Variants in COPG1 observed in about 807,000 individuals in gnomAD.
COPG1 encodes coatomer subunit gamma-1.
A neutral mutation model predicts 102.8 loss-of-function variants in COPG1; 29 were observed. The observed-to-expected ratio is 0.28, with a 90% CI of 0.21 to 0.38. The LOEUF is 0.38. Ranked by LOEUF, COPG1 falls within the 10% of genes least tolerant of loss-of-function variation. The pLI is 1.00. For missense variants in COPG1, 875 were observed against 1,132.7 expected (o/e 0.77, Z 3.27); for synonymous variants, 406 against 421.6 (o/e 0.96, Z 0.45).
intron 8 of COPG1, among the ~76,000 whole-genome samples, 162 bp from the exon 9 acceptor site, chr3:129,257,308 T>G (rs1373853282): frequency 1.3e-5 from 2 of 152,186 alleles, no homozygotes; most frequent in Non-Finnish European, 2.9e-5. Flanking sequence ...TGGAGGGCTG[T>G]GTACACAGAG....
intron 23 of COPG1, 145 bp from the exon 24 acceptor site, chr3:129,277,149 C>T: frequency 1.3e-6 from 1 of 778,304 alleles, no homozygotes; most frequent in East Asian, 2.6e-5. Context: ...ACAGTGAAAT[C>T]CCTCACTCAG....
chr3:129,277,222 A>C, intron 23 of COPG1, 72 bp from the exon 24 acceptor site: 2 of 1,544,686 alleles, frequency 1.3e-6, no homozygotes, highest in Non-Finnish European at 1.8e-6. Context: ...GGGTTGCTGC[A>C]AATGCCATCC....
intron 16 of COPG1, 37 bp from the exon 17 acceptor site, chr3:129,268,458 C>G (rs560533924): frequency 1.2e-6 from 2 of 1,609,136 alleles, no homozygotes; most frequent in South Asian, 1.1e-5. Context: ...ACATTTTGCT[C>G]TATCTGCCAG....
chr3:129,250,745 T>G lies in COPG1; in HGVS notation c.90+11T>G. 15 of 1,611,642 alleles carry G rather than the reference T, an allele frequency of 9.3e-6. No homozygotes were observed. Among genetic ancestry groups the G allele is most frequent in the Non-Finnish European group, 1.3e-5 (15 of 1,177,902 alleles). Reference sequence around the variant, plus strand: ...GCGGTACTCCAGGAGGCAAGTGACATTTGCTCCCCTCTAGCTTCCATCATA... The same window carrying G: ...GCGGTACTCCAGGAGGCAAGTGACAGTTGCTCCCCTCTAGCTTCCATCATA... On this transcript the variant is annotated intron_variant, in intron 2 of 23. Coordinates refer to ENST00000314797, the MANE Select transcript of COPG1 (RefSeq NM_016128.4).
At chr3:129,270,555 A>G (rs1187134153) in intron 18 of COPG1, among the ~76,000 whole-genome samples, 9 of 152,226 alleles carry the variant, frequency 5.9e-5, no homozygotes, top group African/African-American at 1.9e-4. Flanking sequence ...GTTGATGGTC[A>G]TGGTGGCCCA....
intron 13 of COPG1, among the ~76,000 whole-genome samples, chr3:129,265,277 T>C (rs911913199): frequency 7.2e-5 from 11 of 151,986 alleles, no homozygotes; most frequent in Admixed American, 2.6e-4. Flanking sequence ...TTTTTTGTAG[T>C]GATGGGGTCT....
chr3:129,258,083 G>A (rs928935766), intron 10 of COPG1, among the ~76,000 whole-genome samples: 1 of 152,280 alleles, frequency 6.6e-6, no homozygotes, highest in Non-Finnish European at 1.5e-5. Context: ...GCTGAGGTAA[G>A]GCTCGGGTCC....
rs1200560053 is a variant in COPG1, at chr3:129,271,902, T to G, written c.1979T>G (p.Val660Gly). ...CTKHTFTNHMVFQFDCTNTLN... is the reference protein window; with the variant it reads ...CTKHTFTNHMGFQFDCTNTLN... ...AAACACACCTTCACCAACCACATGGTTTTTCAGGTGAGCAAGGTGGGCTGA... is the reference window on the plus strand; with the variant it reads ...AAACACACCTTCACCAACCACATGGGTTTTCAGGTGAGCAAGGTGGGCTGA... Residue 660 changes from valine (V) to glycine (G), a missense_variant, in exon 19 of 24, where the codon GTT becomes GGT. Physicochemically the swap from Val to Gly is moderately radical, Grantham distance 109 (BLOSUM62 -3). Transcript: ENST00000314797. The surrounding 1 kb of genome is among the most constrained non-coding windows in gnomAD (Gnocchi z 4.7). 6.2e-7 allele frequency: 1 copy of G among 1,613,612 alleles called. No homozygotes were observed. The highest frequency in any genetic ancestry group is 8.5e-7 in the Non-Finnish European group (1 of 1,179,924).
In COPG1 at chr3:129,271,918, G is replaced by A. The variant is rs778742280; in HGVS notation, c.1986+9G>A. 6.2e-7 allele frequency: 1 copy of A among 1,613,526 alleles called. No homozygotes were observed. The highest frequency in any genetic ancestry group is 1.1e-5 in the South Asian group (1 of 90,966). Reference sequence around the variant, plus strand: ...ACCACATGGTTTTTCAGGTGAGCAAGGTGGGCTGAGGCCCTGCTGGGGCAT... The same window carrying A: ...ACCACATGGTTTTTCAGGTGAGCAAAGTGGGCTGAGGCCCTGCTGGGGCAT... On this transcript the variant is annotated intron_variant, in intron 19 of 23. Coordinates refer to ENST00000314797, the MANE Select transcript of COPG1 (RefSeq NM_016128.4). The surrounding 1 kb of genome is among the most constrained non-coding windows in gnomAD (Gnocchi z 4.7).
intron 1 of COPG1, among the ~76,000 whole-genome samples, chr3:129,249,998 C>G (rs1225457488): frequency 1.3e-5 from 2 of 151,422 alleles, no homozygotes; most frequent in Admixed American, 1.3e-4. Context: ...CCTCAATTTA[C>G]CCATCTGTCA....
Position 129,274,949 on chromosome 3 carries a change from A to G in COPG1, c.2368A>G (p.Thr790Ala). ...TGAATTTGAGAAGGAGGAAACGTTC[A>G]CCTTGTCTACCATCAAGACACTTGA... The part of the protein sequence containing the change: ...GDEFEKEETF[T>A]LSTIKTLEEA... Residue 790 changes from threonine to alanine, a missense_variant, in exon 22 of 24, where the codon ACC (threonine) becomes GCC (alanine). Transcript: ENST00000314797. The G allele has an allele frequency of 2.5e-6, 4 of 1,614,186 alleles. No individual in the cohort carries two copies. Among genetic ancestry groups the G allele is most frequent in the Non-Finnish European group, 3.4e-6 (4 of 1,180,018 alleles).
intron 17 of COPG1, 114 bp downstream of exon 17, chr3:129,268,734 G>A: frequency 7.6e-7 from 1 of 1,323,794 alleles, no homozygotes; most frequent in Non-Finnish European, 1.1e-6. Flanking sequence ...GCTGGGAGGA[G>A]GAAATGATCT....
At chr3:129,250,908 A>ATTT in intron 2 of COPG1, 174 bp downstream of exon 2, 1 of 280,914 alleles carries the variant, frequency 3.6e-6, no homozygotes, top group Non-Finnish European at 6.6e-6. Flanking sequence ...AGTTATGCTT[A>ATTT]CTTCTTTTTT....
In COPG1 at chr3:129,257,505, G is replaced by T; in HGVS notation, c.615G>T (p.Lys205Asn). The T allele has an allele frequency of 6.2e-7, 1 of 1,614,218 alleles. No individual in the cohort carries two copies. Among genetic ancestry groups the T allele is most frequent in the Non-Finnish European group, 8.5e-7 (1 of 1,180,052 alleles). Residue 205 changes from lysine (K) to asparagine (N), a missense_variant, in exon 9 of 24, where the codon AAG (lysine) becomes AAT (asparagine). Physicochemically the swap from Lys to Asn is moderately conservative, Grantham distance 94 (BLOSUM62 0). Transcript: ENST00000314797. Reference sequence around the variant, plus strand: ...TAGGGCTCCTGTACCATGTGCGTAAGAATGACCGCCTAGCCGTCAATAAGA... The same window carrying T: ...TAGGGCTCCTGTACCATGTGCGTAATAATGACCGCCTAGCCGTCAATAAGA... ...HALGLLYHVR[K>N]NDRLAVNKMI...
At chr3:129,251,514 C>T (rs1488397251) in intron 2 of COPG1, among the ~76,000 whole-genome samples, 2 of 151,662 alleles carry the variant, frequency 1.3e-5, no homozygotes, top group Admixed American at 1.3e-4. Context: ...TCCCAAGTAG[C>T]CGGGACTACA....
chr3:129,267,852 G>T, intron 15 of COPG1, 85 bp from the exon 16 acceptor site: 1 of 1,038,872 alleles, frequency 9.6e-7, no homozygotes, highest in Non-Finnish European at 1.5e-6. Flanking sequence ...TATCCCTATG[G>T]ACTTACCTCT....
At position 129,274,838 on chromosome 3, in the gene COPG1, C is replaced by G. The variant is rs1462240525; in HGVS notation, c.2257C>G (p.Leu753Val). 6.2e-7 allele frequency: 1 copy of G among 1,613,960 alleles called. No individual in the cohort carries two copies. The highest frequency in any genetic ancestry group is 1.7e-5 in the Admixed American group (1 of 60,016). The change falls in exon 22 of 24, where the codon CTG (leucine) becomes GTG (valine). Residue 753 changes from leucine (L) to valine (V), a missense_variant and splice_region_variant. Coordinates refer to ENST00000314797, the MANE Select transcript of COPG1 (RefSeq NM_016128.4). ...CTGATTTCTACCTCCATCTCTCCAG[C>G]TGGAAGATCTGGAAGTTACTGTAGC... ...DDEGYEDEYV[L>V]EDLEVTVADH...
intron 2 of COPG1, 127 bp from the exon 3 acceptor site, chr3:129,252,154 G>A (rs577963109): frequency 1.4e-5 from 9 of 657,018 alleles, no homozygotes; most frequent in Non-Finnish European, 2.5e-5. Flanking sequence ...ATGAAAATAA[G>A]CTTGTTGCAT....
intron 11 of COPG1, 106 bp from the exon 12 acceptor site, chr3:129,260,513 A>G: frequency 6.7e-7 from 1 of 1,502,232 alleles, no homozygotes; most frequent in South Asian, 1.2e-5. Flanking sequence ...AGTTTCTTCT[A>G]GATGGTGAGA....
Sources: allele counts gnomAD v4.1 joint callset (sites outside exome capture counted in the v4.1 genomes callset), GRCh38; gene constraint gnomAD v4.1.1; non-coding constraint Gnocchi (gnomAD v3.1); transcripts MANE v1.5; gene names NCBI Gene and HGNC (gene_info 2026-07-23, HGNC 2026-07-21).